Variants in IQGAP2 observed in about 807,000 individuals in gnomAD.
IQGAP2 encodes ras GTPase-activating-like protein IQGAP2.
In IQGAP2, 173 loss-of-function variants were observed where a neutral mutation model predicts 201.3. The ratio of observed to expected loss-of-function variants is 0.86; its 90% confidence interval spans 0.76 to 0.98. The LOEUF (loss-of-function observed/expected upper bound fraction) is 0.98, where lower values mean the gene tolerates loss of function less well. Ranked by LOEUF, IQGAP2 falls within the 50% of genes least tolerant of loss-of-function variation. IQGAP2 has a pLI of 0.00. For missense variants in IQGAP2, 1,687 were observed against 1,864.8 expected, an observed-to-expected ratio of 0.90 and a Z score of 1.76; for synonymous variants, 675 against 673.9, an observed-to-expected ratio of 1.00 and a Z score of -0.03.
intron 3 of IQGAP2, 27 bp from the exon 4 acceptor site, chr5:76,570,553 C>T: frequency 1.3e-6 from 2 of 1,536,938 alleles, no homozygotes; most frequent in Non-Finnish European, 1.8e-6. Flanking sequence ...TCCTTCTCTC[C>T]CTTTTTCCCT....
At chr5:76,682,607 G>A (rs534184956) in intron 28 of IQGAP2, among the ~76,000 whole-genome samples, 1 of 152,262 alleles carries the variant, frequency 6.6e-6, no homozygotes, top group East Asian at 1.9e-4. Flanking sequence ...GATAAGGAAA[G>A]GGGAAACCAC....
intron 17 of IQGAP2, among the ~76,000 whole-genome samples, chr5:76,641,967 C>A (rs1280417852): frequency 6.6e-6 from 1 of 152,116 alleles, no homozygotes; most frequent in Non-Finnish European, 1.5e-5. Context: ...TTGTATCTTG[C>A]ACATGATAGG....
intron 12 of IQGAP2, 143 bp downstream of exon 12, chr5:76,606,446 A>C: frequency 1.8e-6 from 1 of 549,664 alleles, no homozygotes; most frequent in Non-Finnish European, 3.0e-6. Context: ...CTTTATTTAT[A>C]GGTAGATTTT....
chr5:76,612,830 G>T (rs1748527429), intron 13 of IQGAP2, among the ~76,000 whole-genome samples: 1 of 152,124 alleles, frequency 6.6e-6, no homozygotes, highest in Admixed American at 6.5e-5. Flanking sequence ...GAACTAGAAG[G>T]CTAGTATGGA....
At chr5:76,493,967 A>T (rs914742330) in intron 2 of IQGAP2, among the ~76,000 whole-genome samples, 2 of 152,230 alleles carry the variant, frequency 1.3e-5, no homozygotes, top group African/African-American at 4.8e-5. Flanking sequence ...AATGTGATGT[A>T]GTATTTGCAT....
In IQGAP2 at chr5:76,553,859, A is replaced by G. The variant is rs147076606; in HGVS notation, c.147-8537A>G. Reference sequence around the variant, plus strand: ...GAATGGGGAAGAAGCAGTGAATGCAAGGACAGTGTTGGTGGGGAAGGGGGA... The same window carrying G: ...GAATGGGGAAGAAGCAGTGAATGCAGGGACAGTGTTGGTGGGGAAGGGGGA... On this transcript the variant is annotated intron_variant, in intron 2 of 35. Transcript: ENST00000274364. 5.3e-5 allele frequency among the ~76,000 whole-genome samples: 8 copies of G among 152,336 alleles called. 1 individual carries two copies. Among genetic ancestry groups the G allele is most frequent in the African/African-American group, 1.9e-4 (8 of 41,578 alleles).
At chr5:76,655,435 A>G (rs946888510) in intron 20 of IQGAP2, among the ~76,000 whole-genome samples, 3 of 152,122 alleles carry the variant, frequency 2.0e-5, no homozygotes, top group African/African-American at 7.2e-5. Context: ...TTTTCACAGA[A>G]TAATTTTTAA....
intron 12 of IQGAP2, among the ~76,000 whole-genome samples, chr5:76,608,469 A>T (rs375949291): frequency 6.6e-4 from 101 of 152,334 alleles, no homozygotes; most frequent in African/African-American, 2.3e-3. Flanking sequence ...AATTTCTAAA[A>T]TACACCATTG....
chr5:76,493,448 A>G (rs971897386), intron 2 of IQGAP2, among the ~76,000 whole-genome samples: 7 of 151,020 alleles, frequency 4.6e-5, no homozygotes, highest in Non-Finnish European at 8.9e-5. Context: ...GTCACTGACC[A>G]CCCTATTTAC....
At chr5:76,424,468 C>G (rs888295896) in intron 1 of IQGAP2, among the ~76,000 whole-genome samples, 1 of 152,090 alleles carries the variant, frequency 6.6e-6, no homozygotes, top group East Asian at 1.9e-4. Flanking sequence ...CCACCATGCC[C>G]GGCTCATTTT....
At chr5:76,553,839 G>A (rs1286009189) in intron 2 of IQGAP2, among the ~76,000 whole-genome samples, 2 of 152,190 alleles carry the variant, frequency 1.3e-5, no homozygotes, top group African/African-American at 2.4e-5. Flanking sequence ...AGAAAGAATG[G>A]GGAAGAAGCA....
At chr5:76,408,783 C>CTTATTTATTTAT (rs139211546) in intron 1 of IQGAP2, among the ~76,000 whole-genome samples, 1 of 151,518 alleles carries the variant, frequency 6.6e-6, no homozygotes, top group African/African-American at 2.4e-5. Flanking sequence ...CCCAATCTCT[C>CTTATTTATTTAT]TTATTTATTT....
At chr5:76,493,859 T>C (rs1335903802) in intron 2 of IQGAP2, among the ~76,000 whole-genome samples, 7 of 152,202 alleles carry the variant, frequency 4.6e-5, no homozygotes, top group Non-Finnish European at 1.0e-4. Context: ...GAAAGAAAGG[T>C]TGATCCTGTC....
Position 76,594,947 on chromosome 5 carries a change from T to C in IQGAP2, c.907+2022T>C, listed in dbSNP as rs529468045. ...CGCCACTACACTCCAGCCTGGATGA[T>C]AGTGTGAGACTCCATCTCAAAAAAA... On this transcript the variant is annotated intron_variant, in intron 9 of 35. Coordinates refer to ENST00000274364, the MANE Select transcript of IQGAP2 (RefSeq NM_006633.5). 1.7e-3 allele frequency among the ~76,000 whole-genome samples: 249 copies of C among 150,372 alleles called. 1 individual carries two copies. Among genetic ancestry groups the C allele is most frequent in the African/African-American group, 5.7e-3 (233 of 40,726 alleles).
At chr5:76,701,588 C>T (rs1052928869) in intron 34 of IQGAP2, 1 of 180,206 alleles carries the variant, frequency 5.5e-6, no homozygotes, top group South Asian at 1.3e-4. Flanking sequence ...AGAGCCATTT[C>T]CAAAGCATGC....
chr5:76,656,760 T>C (rs1742768693), intron 20 of IQGAP2, among the ~76,000 whole-genome samples: 1 of 152,150 alleles, frequency 6.6e-6, no homozygotes, highest in African/African-American at 2.4e-5. Flanking sequence ...AGAGAAACCA[T>C]CTCGGTGAGT....
At chr5:76,556,517 A>C (rs559282277) in intron 2 of IQGAP2, among the ~76,000 whole-genome samples, 3 of 152,260 alleles carry the variant, frequency 2.0e-5, no homozygotes, top group African/African-American at 7.2e-5. Context: ...TGCCTGCGTG[A>C]TTTCTTCTTA....
At chr5:76,704,782 T>C (rs995424201) in intron 35 of IQGAP2, among the ~76,000 whole-genome samples, 1 of 152,230 alleles carries the variant, frequency 6.6e-6, no homozygotes, top group Non-Finnish European at 1.5e-5. Context: ...CTTCTATTTA[T>C]ATATGCAGCT....
At chr5:76,453,165 C>T (rs544689147) in intron 1 of IQGAP2, among the ~76,000 whole-genome samples, 11 of 152,238 alleles carry the variant, frequency 7.2e-5, no homozygotes, top group Admixed American at 2.6e-4. Flanking sequence ...CCACCCGCCT[C>T]GGCCTTCCAA....
Sources: gnomAD v4.1 joint callset for allele counts (sites outside exome capture counted in the v4.1 genomes callset) on GRCh38, gnomAD v4.1.1 for gene constraint, MANE v1.5 for transcripts, NCBI Gene and HGNC (gene_info 2026-07-23, HGNC 2026-07-21) for gene names.